GALNT16: variants seen among roughly 807,000 people sequenced by gnomAD.
GALNT16 encodes polypeptide N-acetylgalactosaminyltransferase 16.
GALNT16 carries 40 observed loss-of-function variants against 76.1 expected under a neutral mutation model. That is an observed-to-expected ratio of 0.53 (90% CI 0.41 to 0.68). GALNT16 has a LOEUF of 0.68. GALNT16 is among the 30% of genes least tolerant of loss of function. The pLI is 0.00. For synonymous variants in GALNT16, 276 were observed against 285.2 expected (o/e 0.97, Z 0.32); for missense variants, 621 against 731.9 (o/e 0.85, Z 1.75).
chr14:69,372,416 T>C, the GALNT16 span, among the ~76,000 whole-genome samples: 3 of 151,946 alleles, frequency 2.0e-5, no homozygotes, highest in Non-Finnish European at 2.9e-5. Context: ...TGCTGGGTAG[T>C]ATTCAGAGAT....
chr14:69,271,017 A>C (rs749769780), intron 1 of GALNT16, among the ~76,000 whole-genome samples: 1 of 152,126 alleles, frequency 6.6e-6, no homozygotes, highest in Non-Finnish European at 1.5e-5. Context: ...AGGGAGCAGC[A>C]GGCCAAAGCA....
chr14:69,369,361 T>A, the GALNT16 span, among the ~76,000 whole-genome samples: 1 of 152,116 alleles, frequency 6.6e-6, no homozygotes, highest in Non-Finnish European at 1.5e-5. Flanking sequence ...GAGACAAAGA[T>A]AAAAGCAAGA....
Position 69,260,165 on chromosome 14 carries a change from T to G in GALNT16, c.-126T>G. 6.6e-6 allele frequency: 1 copy of G among 150,972 alleles called. No individual in the cohort carries two copies. Among genetic ancestry groups the G allele is most frequent in the Non-Finnish European group, 1.3e-5 (1 of 74,852 alleles). The allele number at this position is 150,972 out of a possible 1,614,324, so 9.4% of individuals were successfully genotyped here. On this transcript the variant is annotated 5_prime_UTR_variant, in exon 1 of 15. Transcript: ENST00000448469. ...CCCCGCCCCCCCACCTCTCTCCTTT[T>G]TCTGCTCTGCAGGACTGAGCAGCTA...
chr14:69,386,070 T>C, the GALNT16 span, among the ~76,000 whole-genome samples: 1 of 152,192 alleles, frequency 6.6e-6, no homozygotes, highest in Non-Finnish European at 1.5e-5. Context: ...TAAAGTACCA[T>C]GCAACATTCA....
Position 69,322,342 on chromosome 14 carries a change from G to T in GALNT16, c.335+1474G>T, listed in dbSNP as rs558701778. 1.4e-4 allele frequency among the ~76,000 whole-genome samples: 21 copies of T among 152,324 alleles called. No individual in the cohort carries two copies. In the East Asian group the frequency reaches 3.5e-3, roughly 25 times the overall value. On this transcript the variant is annotated intron_variant, in intron 2 of 14. Coordinates refer to ENST00000448469, the MANE Select transcript of GALNT16 (RefSeq NM_001168368.2). Reference sequence around the variant, plus strand: ...ATAGCTCCACTTAGAGACCTTTCATGGGCAGCCCTAGCCATGGCTGACCTA... The same window carrying T: ...ATAGCTCCACTTAGAGACCTTTCATTGGCAGCCCTAGCCATGGCTGACCTA...
At chr14:69,326,797 C>T (rs2045291427) in intron 5 of GALNT16, among the ~76,000 whole-genome samples, 3 of 152,334 alleles carry the variant, frequency 2.0e-5, no homozygotes, top group South Asian at 2.1e-4. Flanking sequence ...CCCACTGTGC[C>T]TGTTGTACAG....
chr14:69,359,684 T>C (rs1594877143), downstream of GALNT16, among the ~76,000 whole-genome samples: 1 of 152,334 alleles, frequency 6.6e-6, no homozygotes, highest in South Asian at 2.1e-4. Flanking sequence ...CACAGGAGCA[T>C]GTGTCAATGG....
At chr14:69,341,413 G>T (rs1415246176) in intron 11 of GALNT16, among the ~76,000 whole-genome samples, 1 of 152,216 alleles carries the variant, frequency 6.6e-6, no homozygotes, top group Non-Finnish European at 1.5e-5. Context: ...CGAGAGAAAG[G>T]CATGGTCCCG....
intron 1 of GALNT16, among the ~76,000 whole-genome samples, chr14:69,277,185 T>C (rs1037086144): frequency 1.3e-5 from 2 of 152,206 alleles, no homozygotes; most frequent in Admixed American, 1.3e-4. Flanking sequence ...TAGAAAGGTA[T>C]GAGATCAAAG....
chr14:69,320,752 C>T lies in GALNT16; in HGVS notation c.219C>T (p.Tyr73=), dbSNP rs765557152. 2.1e-5 allele frequency: 34 copies of T among 1,614,160 alleles called. 1 individual carries two copies. The highest frequency in any genetic ancestry group is 1.7e-4 in the Admixed American group (10 of 60,022). Residue 73 remains tyrosine, a synonymous_variant, in exon 2 of 15, where the codon TAC becomes TAT. Coordinates refer to ENST00000448469, the MANE Select transcript of GALNT16 (RefSeq NM_001168368.2). ...TPSKGFDEKA[Y]LSAKQLKAGE... ...CGAAAGGCTTTGATGAGAAGGCCTA[C>T]CTGTCGGCCAAGCAGCTGAAGGCTG...
At chr14:69,342,248 G>A (rs112194820) in intron 12 of GALNT16, among the ~76,000 whole-genome samples, 105 of 151,960 alleles carry the variant, frequency 6.9e-4, no homozygotes, top group African/African-American at 2.4e-3. Context: ...AGGAGTTTGA[G>A]ACCAGCCTGG....
At position 69,326,312 on chromosome 14, in the gene GALNT16, G is replaced by A. The variant is rs146985022; in HGVS notation, c.568+285G>A. Among the ~76,000 whole-genome samples, 3 of 152,356 alleles carry A rather than the reference G, an allele frequency of 2.0e-5. No individual in the cohort carries two copies. The East Asian group carries it at 5.8e-4, about 29-fold the overall frequency. On this transcript the variant is annotated intron_variant, in intron 5 of 14. Coordinates refer to ENST00000448469, the MANE Select transcript of GALNT16 (RefSeq NM_001168368.2). ...TGCAAGGTGATTGTAAGGATTGCAT[G>A]AGACAGGCTGTGTGGAAAGGCTTTG...
At chr14:69,309,272 C>T (rs997094758) in intron 1 of GALNT16, among the ~76,000 whole-genome samples, 2 of 150,768 alleles carry the variant, frequency 1.3e-5, no homozygotes, top group Non-Finnish European at 3.0e-5. Context: ...TACGTTTCAT[C>T]TTTCTTTCTT....
intron 1 of GALNT16, among the ~76,000 whole-genome samples, chr14:69,275,913 A>G (rs1161040654): frequency 6.6e-6 from 1 of 152,218 alleles, no homozygotes; most frequent in African/African-American, 2.4e-5. Context: ...GCAATTTACA[A>G]AAGAAAGAGG....
the GALNT16 span, among the ~76,000 whole-genome samples, chr14:69,370,171 A>G: frequency 6.6e-6 from 1 of 152,228 alleles, no homozygotes; most frequent in Non-Finnish European, 1.5e-5. Context: ...ATGCAGCTTC[A>G]GTGGCCCCAA....
chr14:69,318,656 G>A (rs1409171699), intron 1 of GALNT16, among the ~76,000 whole-genome samples: 1 of 152,180 alleles, frequency 6.6e-6, no homozygotes, highest in African/African-American at 2.4e-5. Context: ...CCCACAGAGT[G>A]GCCGTAAGTC....
At chr14:69,302,263 A>G (rs1338441165) in intron 1 of GALNT16, among the ~76,000 whole-genome samples, 1 of 152,206 alleles carries the variant, frequency 6.6e-6, no homozygotes, top group Non-Finnish European at 1.5e-5. Flanking sequence ...CTTGAAAAAA[A>G]TCTTCTGGAA....
In GALNT16 at chr14:69,333,263, T is replaced by A; in HGVS notation, c.863+94T>A. On this transcript the variant is annotated intron_variant, in intron 8 of 14. Coordinates refer to ENST00000448469, the MANE Select transcript of GALNT16 (RefSeq NM_001168368.2). The surrounding 1 kb of genome is among the most constrained non-coding windows in gnomAD (Gnocchi z 4.2). ...AGGCTGTATCGGTCGCTTGGGCTCC[T>A]GAGGCGCACTAAGTGCTGACTCTGT... 1.2e-6 allele frequency: 1 copy of A among 838,642 alleles called. No individual in the cohort carries two copies. The highest frequency in any genetic ancestry group is 1.9e-6 in the Non-Finnish European group (1 of 522,806). 52.0% of individuals were successfully genotyped at this position (838,642 alleles called of 1,614,324 possible).
chr14:69,380,790 C>T, the GALNT16 span: 5 of 571,160 alleles, frequency 8.8e-6, no homozygotes, highest in South Asian at 4.5e-5. Flanking sequence ...CTTACACAGT[C>T]GTTGAATTTT....
Sources: allele counts gnomAD v4.1 joint callset (sites outside exome capture counted in the v4.1 genomes callset), GRCh38; gene constraint gnomAD v4.1.1; non-coding constraint Gnocchi (gnomAD v3.1); transcripts MANE v1.5; gene names NCBI Gene and HGNC (gene_info 2026-07-23, HGNC 2026-07-21).